The following KHDC1L variants were observed in gnomAD, a reference collection of about 807,000 sequenced individuals.
KHDC1L encodes KHDC1-like protein.
KHDC1L carries 5 observed loss-of-function variants against 11.2 expected under a neutral mutation model. The observed-to-expected ratio is 0.45, with a 90% CI of 0.23 to 0.94. The LOEUF (loss-of-function observed/expected upper bound fraction) is 0.94. Ranked by LOEUF, KHDC1L falls within the 40% of genes least tolerant of loss-of-function variation. The probability of loss-of-function intolerance (pLI) is 0.22; values close to 1 mark genes in which losing one functional copy is unlikely to be tolerated. For synonymous variants in KHDC1L, 66 were observed against 62.7 expected (o/e 1.05, Z -0.25); for missense variants, 168 against 165.8 (o/e 1.01, Z -0.07).
chr6:73,224,501 G>T (rs1766322220), intron 1 of KHDC1L, among the ~76,000 whole-genome samples, 153 bp from the exon 2 acceptor site: 2 of 152,062 alleles, frequency 1.3e-5, no homozygotes, highest in Non-Finnish European at 2.9e-5. Context: ...CCGGCCTAGC[G>T]CAGTGACTCA....
intron 1 of KHDC1L, 50 bp downstream of exon 1, chr6:73,225,247 A>T: frequency 2.0e-6 from 3 of 1,537,736 alleles, no homozygotes; most frequent in South Asian, 1.2e-5. Context: ...TCTCAAAAAA[A>T]TAAAAATAAA....
Position 73,224,241 on chromosome 6 carries a change from G to C in KHDC1L, c.220C>G (p.Pro74Ala). The change falls in exon 2 of 3, where the codon CCA becomes GCA. Residue 74 changes from proline to alanine, a missense_variant. Coordinates refer to ENST00000370388, the MANE Select transcript of KHDC1L (RefSeq NM_001126063.3). ...AGCAGCCACTGCTTTGCCATTGGTGGTCCGACTACAGTCACACGTGTCTGG... is the reference window on the plus strand; with the variant it reads ...AGCAGCCACTGCTTTGCCATTGGTGCTCCGACTACAGTCACACGTGTCTGG... ...TGQTRVTVVG[P>A]PMAKQWLLLM... 6.3e-7 allele frequency: 1 copy of C among 1,581,690 alleles called. No individual in the cohort carries two copies. The highest frequency in any genetic ancestry group is 8.6e-7 in the Non-Finnish European group (1 of 1,162,816).
At chr6:73,224,771 CAA>C (rs3044250) in intron 1 of KHDC1L, among the ~76,000 whole-genome samples, 604 of 41,054 alleles carry the variant, frequency 0.015, 1 homozygote, top group African/African-American at 0.036. Context: ...GATTCCATAT[CAA>C]AAAAAAAAAA....
Position 73,224,302 on chromosome 6 carries a change from G to T in KHDC1L, c.159C>A (p.Thr53=). The T allele has an allele frequency of 6.3e-7, 1 of 1,598,858 alleles. No individual in the cohort carries two copies. Among genetic ancestry groups the T allele is most frequent in the Non-Finnish European group, 8.5e-7 (1 of 1,172,164 alleles). The change falls in exon 2 of 3, where the codon ACC becomes ACA. Residue 53 remains threonine (T), a synonymous_variant. Coordinates refer to ENST00000370388, the MANE Select transcript of KHDC1L (RefSeq NM_001126063.3). ...YLRCIELHSH[T]LIQLERCFTA... ...TGAAACACCTCTCCAGCTGAATAAG[G>T]GTGTGGCTGTGCAGCTCAATGCAGC...
In KHDC1L at chr6:73,224,168, C is replaced by A. The variant is rs1018304065; in HGVS notation, c.293G>T (p.Arg98Leu). Residue 98 changes from arginine (R) to leucine (L), a missense_variant and splice_region_variant, in exon 2 of 3, where the codon CGA (arginine) becomes CTA (leucine). By Grantham distance (102) the Arg-to-Leu change is moderately radical (BLOSUM62 -2). Transcript: ENST00000370388. ...VGSQDSKCHA[R>L]GLKMLERVRS... The stretch of plus-strand genomic sequence containing the variant: ...ACAGTTCGGCCAAGGATACCTACCT[C>A]GAGCGTGACACTTGGAGTCCTGGCT... 1.9e-6 allele frequency: 3 copies of A among 1,556,724 alleles called. No homozygotes were observed. The highest frequency in any genetic ancestry group is 2.4e-5 in the South Asian group (2 of 83,184).
chr6:73,223,744 G>A lies in KHDC1L; in HGVS notation c.*4C>T, dbSNP rs1201455897. On this transcript the variant is annotated 3_prime_UTR_variant, in exon 3 of 3. Coordinates refer to ENST00000370388, the MANE Select transcript of KHDC1L (RefSeq NM_001126063.3). ...CTCCTCTCATCCCCTCTTCCCAGGGGAGATCAGTCTCCGGTGTACGGTGGC... is the reference window on the plus strand; with the variant it reads ...CTCCTCTCATCCCCTCTTCCCAGGGAAGATCAGTCTCCGGTGTACGGTGGC... The A allele has an allele frequency of 6.2e-7, 1 of 1,600,474 alleles. No individual in the cohort carries two copies. Among genetic ancestry groups the A allele is most frequent in the Non-Finnish European group, 8.5e-7 (1 of 1,173,024 alleles).
At chr6:73,224,488 A>G in intron 1 of KHDC1L, 140 bp from the exon 2 acceptor site, 1 of 717,148 alleles carries the variant, frequency 1.4e-6, no homozygotes, top group South Asian at 2.0e-5. Flanking sequence ...GGGATGAAGG[A>G]GGCCGGCCTA....
At chr6:73,224,677 G>A (rs1766326249) in intron 1 of KHDC1L, among the ~76,000 whole-genome samples, 1 of 150,672 alleles carries the variant, frequency 6.6e-6, no homozygotes, top group Non-Finnish European at 1.5e-5. Context: ...TCGGGAGGCT[G>A]CGGCAGGAGA....
intron 1 of KHDC1L, 46 bp downstream of exon 1, chr6:73,225,251 A>G: frequency 6.4e-7 from 1 of 1,552,442 alleles, no homozygotes; most frequent in Non-Finnish European, 8.8e-7. Context: ...AAAAAAATAA[A>G]AATAAAAAAC....
At chr6:73,224,771 CAAAAAAA>C (rs3044250) in intron 1 of KHDC1L, among the ~76,000 whole-genome samples, 4 of 41,094 alleles carry the variant, frequency 9.7e-5, no homozygotes, top group African/African-American at 2.1e-4. Context: ...GATTCCATAT[CAAAAAAA>C]AAAAAAAAAA....
Position 73,225,371 on chromosome 6 carries a change from C to G in KHDC1L, c.38G>C (p.Trp13Ser). The G allele has an allele frequency of 1.9e-6, 3 of 1,614,082 alleles. No individual in the cohort carries two copies. In the Admixed American group the frequency reaches 5.0e-5, roughly 27 times the overall value. Residue 13 changes from tryptophan to serine, a missense_variant, in exon 1 of 3, where the codon TGG becomes TCG. Trp to Ser is a radical substitution (Grantham distance 177, BLOSUM62 -3). Coordinates refer to ENST00000370388, the MANE Select transcript of KHDC1L (RefSeq NM_001126063.3). ...VGTSALSKEP[W>S]WTLPENFHSP... ...ATGAAAGTTTTCGGGCAGGGTCCAC[C>G]ACGGCTCCTTGCTGAGAGCACTCGT...
Position 73,225,355 on chromosome 6 carries a change from T to G in KHDC1L, c.54A>C (p.Glu18Asp). The G allele has an allele frequency of 1.9e-6, 3 of 1,614,164 alleles. No homozygotes were observed. The highest frequency in any genetic ancestry group is 1.7e-6 in the Non-Finnish European group (2 of 1,179,998). Residue 18 changes from glutamate to aspartate, a missense_variant, in exon 1 of 3, where the codon GAA (glutamate) becomes GAC (aspartate). By Grantham distance (45) the Glu-to-Asp change is conservative. Transcript: ENST00000370388. ...GGAACACCATTGGAGAATGAAAGTTTTCGGGCAGGGTCCACCACGGCTCCT... is the reference window on the plus strand; with the variant it reads ...GGAACACCATTGGAGAATGAAAGTTGTCGGGCAGGGTCCACCACGGCTCCT... ...LSKEPWWTLP[E>D]NFHSPMVFHM...
chr6:73,225,394 C>A lies in KHDC1L; in HGVS notation c.15G>T (p.Thr5=), dbSNP rs771993516. 2 of 1,613,518 alleles carry A rather than the reference C, an allele frequency of 1.2e-6. No individual in the cohort carries two copies. Among genetic ancestry groups the A allele is most frequent in the Non-Finnish European group, 1.7e-6 (2 of 1,179,612 alleles). The part of the protein sequence containing the change: MAVG[T]SALSKEPWWT... ...ACCACGGCTCCTTGCTGAGAGCACT[C>A]GTTCCCACGGCCATGCTGTGCTCCC... is the stretch of plus-strand genomic sequence containing the variant. Residue 5 remains threonine, a synonymous_variant, in exon 1 of 3, where the codon ACG becomes ACT. Coordinates refer to ENST00000370388, the MANE Select transcript of KHDC1L (RefSeq NM_001126063.3).
intron 2 of KHDC1L, 97 bp downstream of exon 2, chr6:73,224,069 A>T: frequency 7.2e-7 from 1 of 1,385,578 alleles, no homozygotes; most frequent in Non-Finnish European, 9.7e-7. Context: ...TTCCCCAGCC[A>T]CACAAGGGAT....
chr6:73,223,816 G>C lies in KHDC1L; in HGVS notation c.319C>G (p.Arg107Gly), dbSNP rs200612558. 5.0e-6 allele frequency: 8 copies of C among 1,603,590 alleles called. No homozygotes were observed. The South Asian group carries it at 7.9e-5, about 16-fold the overall frequency. The change falls in exon 3 of 3, where the codon CGA becomes GGA. Residue 107 changes from arginine to glycine, a missense_variant. By Grantham distance (125) the Arg-to-Gly change is moderately radical (BLOSUM62 -2). Coordinates refer to ENST00000370388, the MANE Select transcript of KHDC1L (RefSeq NM_001126063.3). ...ARGLKMLERV[R>G]SQPLTNDDLV... ...TCATCATTGGTCAGGGGCTGGCTTC[G>C]GACACGCTCTAGCATCTTCAGACCT... is the stretch of plus-strand genomic sequence containing the variant.
chr6:73,224,066 G>A (rs1361154331), intron 2 of KHDC1L, 100 bp downstream of exon 2: 2 of 1,367,000 alleles, frequency 1.5e-6, no homozygotes, highest in African/African-American at 1.5e-5. Context: ...GGATTCCCCA[G>A]CCACACAAGG....
chr6:73,224,637 G>C (rs1435700855), intron 1 of KHDC1L, among the ~76,000 whole-genome samples: 1 of 151,856 alleles, frequency 6.6e-6, no homozygotes, highest in Non-Finnish European at 1.5e-5. Flanking sequence ...TTAGCCGGGC[G>C]TGGTGGCAGG....
intron 2 of KHDC1L, 71 bp downstream of exon 2, chr6:73,224,095 G>T (rs929359007): frequency 3.4e-6 from 5 of 1,456,730 alleles, no homozygotes; most frequent in Non-Finnish European, 4.6e-6. Flanking sequence ...ACGAATCCAA[G>T]ATGCCACACA....
Position 73,224,343 on chromosome 6 carries a change from CA to C in KHDC1L, c.117del (p.Asp40MetfsTer30). 1 of 1,570,162 alleles carries C rather than the reference CA, an allele frequency of 6.4e-7. No individual in the cohort carries two copies. The highest frequency in any genetic ancestry group is 8.6e-7 in the Non-Finnish European group (1 of 1,156,070). ...TCAATGCAGCGAAGGTACGTGTCAT[CA>C]AGTCCTGTAAGCACAAGAAGTGAGA... is the stretch of plus-strand genomic sequence containing the variant. ...EEDQEELIFG[L>X]DDTYLRCIEL... On this transcript the variant is annotated frameshift_variant, in exon 2 of 3. Coordinates refer to ENST00000370388, the MANE Select transcript of KHDC1L (RefSeq NM_001126063.3). LOFTEE classifies it high-confidence loss of function.
Sources: gnomAD v4.1 joint callset for allele counts (sites outside exome capture counted in the v4.1 genomes callset) on GRCh38, gnomAD v4.1.1 for gene constraint, MANE v1.5 for transcripts, NCBI Gene and HGNC (gene_info 2026-07-23, HGNC 2026-07-21) for gene names.